The following EPM2A variants were observed in gnomAD, a reference collection of about 807,000 sequenced individuals.
The protein encoded by EPM2A is laforin.
Under a neutral mutation model 26.5 loss-of-function variants are expected in EPM2A, and 21 were observed. That is an observed-to-expected ratio of 0.79 (90% CI 0.56 to 1.14). The LOEUF (loss-of-function observed/expected upper bound fraction) is 1.14, where lower values mean the gene tolerates loss of function less well. Among genes scored for constraint, EPM2A ranks in the 50% most tolerant of loss-of-function variants. The pLI, the probability that EPM2A is intolerant of heterozygous loss-of-function variation, is 0.00. For synonymous variants in EPM2A, 217 were observed against 177.6 expected, an observed-to-expected ratio of 1.22 and a Z score of -1.76; for missense variants, 458 against 440.8, an observed-to-expected ratio of 1.04 and a Z score of -0.35.
At chr6:145,698,991 T>C (rs1169668862) in intron 1 of EPM2A, among the ~76,000 whole-genome samples, 2 of 152,174 alleles carry the variant, frequency 1.3e-5, no homozygotes, top group East Asian at 1.9e-4. Flanking sequence ...TCATCAAAAT[T>C]GTGAGAAAAT....
chr6:145,495,571 CTTTA>C (rs150332808), intron 4 of EPM2A, among the ~76,000 whole-genome samples: 3 of 151,756 alleles, frequency 2.0e-5, no homozygotes, highest in African/African-American at 7.3e-5. Flanking sequence ...TATGCGGATG[CTTTA>C]TTTATTTATT....
intron 2 of EPM2A, among the ~76,000 whole-genome samples, chr6:145,532,112 G>A (rs1464695758): frequency 6.6e-6 from 1 of 152,146 alleles, no homozygotes; most frequent in Non-Finnish European, 1.5e-5. Flanking sequence ...TATGTTATTT[G>A]CTAATTCTAG....
At chr6:145,397,646 C>T in intron 4 of EPM2A, among the ~76,000 whole-genome samples, 1 of 152,160 alleles carries the variant, frequency 6.6e-6, no homozygotes, top group East Asian at 1.9e-4. Context: ...GTCTCACCAA[C>T]TCCAACCTGG....
At chr6:145,579,875 T>C (rs564513331) in intron 2 of EPM2A, among the ~76,000 whole-genome samples, 67 of 152,284 alleles carry the variant, frequency 4.4e-4, no homozygotes, top group Non-Finnish European at 8.5e-4. Flanking sequence ...TTGGTTGCTA[T>C]AGGTTTATAT....
intron 4 of EPM2A, chr6:145,490,939 C>T: frequency 1.3e-6 from 1 of 793,322 alleles, no homozygotes; most frequent in East Asian, 3.8e-5. Context: ...TCTGTGTGTA[C>T]TTTATGGATG....
At chr6:145,550,040 G>T (rs993053168) in intron 2 of EPM2A, among the ~76,000 whole-genome samples, 5 of 152,074 alleles carry the variant, frequency 3.3e-5, no homozygotes, top group African/African-American at 1.2e-4. Context: ...TTCATAAAGT[G>T]GTGTATACTT....
intron 4 of EPM2A, among the ~76,000 whole-genome samples, chr6:145,493,700 A>C (rs1458793998): frequency 6.6e-6 from 1 of 152,146 alleles, no homozygotes; most frequent in Non-Finnish European, 1.5e-5. Context: ...AACATGAAGG[A>C]ATGGTAAAAT....
At chr6:145,541,177 CTG>C (rs5880647) in intron 2 of EPM2A, among the ~76,000 whole-genome samples, 3,647 of 147,202 alleles carry the variant, frequency 0.025, 53 homozygotes, top group Middle Eastern at 0.046. Context: ...ATATATATAT[CTG>C]TGTGTGTGTG....
chr6:145,472,751 T>C (rs1185566800), intron 4 of EPM2A, among the ~76,000 whole-genome samples: 1 of 152,036 alleles, frequency 6.6e-6, no homozygotes, highest in African/African-American at 2.4e-5. Context: ...CACAATACAA[T>C]AGAATGCGAG....
At chr6:145,461,088 C>G (rs910655359) in intron 4 of EPM2A, among the ~76,000 whole-genome samples, 4 of 152,102 alleles carry the variant, frequency 2.6e-5, no homozygotes, top group Non-Finnish European at 4.4e-5. Flanking sequence ...TATTTAAATC[C>G]TTTTTGTATT....
At chr6:145,622,494 C>T (rs1257063684), downstream of EPM2A, among the ~76,000 whole-genome samples, 1 of 152,130 alleles carries the variant, frequency 6.6e-6, no homozygotes, top group Non-Finnish European at 1.5e-5. Flanking sequence ...ATCAGGTGAT[C>T]ACAGATATAA....
chr6:145,468,230 A>G (rs1779425805), intron 4 of EPM2A, among the ~76,000 whole-genome samples: 1 of 152,098 alleles, frequency 6.6e-6, no homozygotes, highest in Non-Finnish European at 1.5e-5. Flanking sequence ...TGTTTTATTC[A>G]GAGGACAGTC....
At chr6:145,695,622 A>C in intron 1 of EPM2A, among the ~76,000 whole-genome samples, 1 of 152,076 alleles carries the variant, frequency 6.6e-6, no homozygotes, top group East Asian at 1.9e-4. Flanking sequence ...TGCAAATGGA[A>C]GCCAAAAGAG....
chr6:145,731,738 T>C (rs1408982517), intron 1 of EPM2A, among the ~76,000 whole-genome samples: 1 of 151,994 alleles, frequency 6.6e-6, no homozygotes, highest in Non-Finnish European at 1.5e-5. Flanking sequence ...CACATATATG[T>C]CATTTTTTAG....
At chr6:145,613,509 C>G (rs530887752) in intron 2 of EPM2A, among the ~76,000 whole-genome samples, 6 of 152,044 alleles carry the variant, frequency 3.9e-5, no homozygotes, top group African/African-American at 1.4e-4. Context: ...TTGCCTAGAT[C>G]CATCAAGAGG....
intron 4 of EPM2A, among the ~76,000 whole-genome samples, chr6:145,446,755 A>G (rs919050112): frequency 1.3e-5 from 2 of 151,990 alleles, no homozygotes; most frequent in South Asian, 2.1e-4. Context: ...CCACACATGC[A>G]TAACTTTGGA....
chr6:145,661,096 G>A (rs535471178), intron 2 of EPM2A, among the ~76,000 whole-genome samples: 5 of 152,044 alleles, frequency 3.3e-5, no homozygotes, highest in East Asian at 1.9e-4. Context: ...GTGCGGGTCC[G>A]AGAAAGAAGT....
At chr6:145,639,529 C>G (rs1776934299) in intron 2 of EPM2A, 1 of 152,084 alleles carries the variant, frequency 6.6e-6, no homozygotes, top group African/African-American at 2.4e-5. Context: ...CTTGGACCAC[C>G]AGTCCAAGGT....
intron 2 of EPM2A, among the ~76,000 whole-genome samples, chr6:145,568,218 A>G (rs1470166892): frequency 3.9e-5 from 6 of 152,302 alleles, no homozygotes; most frequent in East Asian, 1.9e-4. Flanking sequence ...CACTAGGCCA[A>G]TGAAACTCTC....
Sources: allele counts gnomAD v4.1 joint callset (sites outside exome capture counted in the v4.1 genomes callset), GRCh38; gene constraint gnomAD v4.1.1; transcripts MANE v1.5; gene names NCBI Gene and HGNC (gene_info 2026-07-23, HGNC 2026-07-21).